Variants in ADGRG4 observed in about 807,000 individuals in gnomAD.
ADGRG4 encodes adhesion G protein-coupled receptor G4.
ADGRG4 carries 122 observed loss-of-function variants against 126.2 expected under a neutral mutation model. That is an observed-to-expected ratio of 0.97 (90% confidence interval 0.83 to 1.12). The LOEUF is 1.12. Ranked by LOEUF, ADGRG4 falls within the 50% of genes most tolerant of loss-of-function variation. The probability of loss-of-function intolerance (pLI) is 0.00; values close to 1 mark genes in which losing one functional copy is unlikely to be tolerated. For missense variants in ADGRG4, 2,481 were observed against 2,251.8 expected (o/e 1.10, Z -2.06); for synonymous variants, 943 against 838.7 (o/e 1.12, Z -2.15).
At chrX:136,363,668 G>A in intron 13 of ADGRG4, 73 bp downstream of exon 13, 1 of 670,201 alleles carries the variant, frequency 1.5e-6, no homozygotes. Context: ...CCAAACCAGA[G>A]AGAGTATAGG....
intron 1 of ADGRG4, among the ~76,000 whole-genome samples, chrX:136,301,823 G>A (rs151155186): frequency 0.49 from 54,182 of 110,315 alleles, 10,064 homozygotes; most frequent in African/African-American, 0.62. Context: ...TCCCAGCACC[G>A]TTTATTAAAT....
In ADGRG4 at chrX:136,344,596, T is replaced by A. The variant is rs746108631; in HGVS notation, c.890T>A (p.Met297Lys). ...SNTTSPPLET[M>K]TAQKILKTLV... ...ACAACATCTCCACCTCTGGAAACAA[T>A]GACTGCACAAAAAATCTTAAAGACA... Residue 297 changes from methionine to lysine, a missense_variant, in exon 6 of 26, where the codon ATG (methionine) becomes AAG (lysine). Met to Lys is a moderately conservative substitution (Grantham distance 95). Transcript: ENST00000394143. 36 of 1,205,318 alleles carry A rather than the reference T, an allele frequency of 3.0e-5. No individual in the cohort carries two copies. In the Admixed American group the frequency reaches 5.9e-4, roughly 20 times the overall value.
Position 136,345,798 on chromosome X carries a change from G to A in ADGRG4, c.2092G>A (p.Ala698Thr), listed in dbSNP as rs181731409. The stretch of plus-strand genomic sequence containing the variant: ...TACTACTTATACAGAATATTTATCC[G>A]CAACTACCAATATCACCCCACTGAA... ...ENTTYTEYLS[A>T]TTNITPLKAS... The change falls in exon 6 of 26, where the codon GCA becomes ACA. Residue 698 changes from alanine (A) to threonine (T), a missense_variant. Physicochemically the swap from Ala to Thr is moderately conservative, Grantham distance 58. Transcript: ENST00000394143. 22 of 1,208,031 alleles carry A rather than the reference G, an allele frequency of 1.8e-5. No homozygotes were observed. Among genetic ancestry groups the A allele is most frequent in the East Asian group, 1.5e-4 (5 of 33,730 alleles).
intron 23 of ADGRG4, among the ~76,000 whole-genome samples, chrX:136,409,920 T>C (rs1379911574): frequency 1.8e-5 from 2 of 112,723 alleles, no homozygotes; most frequent in Non-Finnish European, 3.7e-5. Flanking sequence ...TTGTGTTCTA[T>C]AGTCAGACTG....
At chrX:136,403,865 T>G (rs2075391807) in intron 22 of ADGRG4, among the ~76,000 whole-genome samples, 1 of 112,160 alleles carries the variant, frequency 8.9e-6, no homozygotes, top group Admixed American at 9.4e-5. Flanking sequence ...ATTTGATGTA[T>G]AAGTTCATCT....
intron 19 of ADGRG4, among the ~76,000 whole-genome samples, chrX:136,395,731 C>T (rs942882845): frequency 8.9e-6 from 1 of 111,790 alleles, no homozygotes; most frequent in African/African-American, 3.3e-5. Context: ...AACCTCCCTC[C>T]CAAGTGATCA....
intron 1 of ADGRG4, among the ~76,000 whole-genome samples, chrX:136,301,481 A>G (rs2074699605): frequency 9.0e-6 from 1 of 111,456 alleles, no homozygotes; most frequent in African/African-American, 3.3e-5. Context: ...TAGATTCTGG[A>G]TATTAGCCCT....
intron 1 of ADGRG4, among the ~76,000 whole-genome samples, chrX:136,303,598 A>G (rs1175771999): frequency 8.9e-6 from 1 of 112,601 alleles, no homozygotes; most frequent in Non-Finnish European, 1.9e-5. Context: ...TAGTGAAAGT[A>G]TAAAGGAATG....
chrX:136,397,810 G>T, intron 19 of ADGRG4, 71 bp from the exon 20 acceptor site: 1 of 1,067,411 alleles, frequency 9.4e-7, no homozygotes, highest in South Asian at 2.1e-5. Context: ...TCCTGTTAGT[G>T]AACACTGGAA....
chrX:136,312,179 C>G lies in ADGRG4; in HGVS notation c.70+3332C>G, dbSNP rs928651868. Among the ~76,000 whole-genome samples the G allele has an allele frequency of 2.7e-5, 3 of 112,161 alleles. No homozygotes were observed. In the South Asian group the frequency reaches 1.1e-3, roughly 42 times the overall value. ...AAATTCAGTTCTTAGTAATACAAGC[C>G]AGGTTTTAAGTGCTTAATAGCTACA... On this transcript the variant is annotated intron_variant, in intron 4 of 25. Transcript: ENST00000394143.
intron 1 of ADGRG4, among the ~76,000 whole-genome samples, chrX:136,301,813 T>A (rs764498536): frequency 4.5e-5 from 5 of 111,984 alleles, no homozygotes; most frequent in African/African-American, 1.6e-4. Context: ...TAGCCAGTTT[T>A]CCCAGCACCG....
In ADGRG4 at chrX:136,348,376, G is replaced by A. The variant is rs774571211; in HGVS notation, c.4670G>A (p.Gly1557Glu). The change falls in exon 6 of 26, where the codon GGG becomes GAG. Residue 1557 changes from glycine to glutamate, a missense_variant. Physicochemically the swap from Gly to Glu is moderately conservative, Grantham distance 98 (BLOSUM62 -2). Coordinates refer to ENST00000394143, the MANE Select transcript of ADGRG4 (RefSeq NM_153834.4). ...AAAAGTCCCTGTACAGCCACTTCTG[G>A]GCCTATGTCTGAGATGTCCTCAATA... ...CLKSPCTATS[G>E]PMSEMSSIPV... is the part of the protein sequence containing the mutation. 8.3e-7 allele frequency: 1 copy of A among 1,210,161 alleles called. No individual in the cohort carries two copies. The highest frequency in any genetic ancestry group is 1.1e-6 in the Non-Finnish European group (1 of 894,570).
At chrX:136,378,175 G>C (rs1426427010) in intron 15 of ADGRG4, among the ~76,000 whole-genome samples, 1 of 110,961 alleles carries the variant, frequency 9.0e-6, no homozygotes. Context: ...GGGAGATATT[G>C]CATGTCTTTT....
At chrX:136,342,585 A>T (rs888679416) in intron 5 of ADGRG4, among the ~76,000 whole-genome samples, 2 of 111,413 alleles carry the variant, frequency 1.8e-5, no homozygotes, top group Non-Finnish European at 3.8e-5. Flanking sequence ...TTCCCTGAAG[A>T]GGTGATGCAT....
At position 136,348,400 on chromosome X, in the gene ADGRG4, T is replaced by A. The variant is rs776367202; in HGVS notation, c.4694T>A (p.Ile1565Lys). Residue 1565 changes from isoleucine to lysine, a missense_variant, in exon 6 of 26, where the codon ATA becomes AAA. Physicochemically the swap from Ile to Lys is moderately radical, Grantham distance 102. Transcript: ENST00000394143. ...GGGCCTATGTCTGAGATGTCCTCAATACCAGTTAATAACTCTGCTTTCACA... is the reference window on the plus strand; with the variant it reads ...GGGCCTATGTCTGAGATGTCCTCAAAACCAGTTAATAACTCTGCTTTCACA... ...TSGPMSEMSS[I>K]PVNNSAFTPA... 11 of 1,209,374 alleles carry A rather than the reference T, an allele frequency of 9.1e-6. No homozygotes were observed. The Admixed American group carries it at 2.4e-4, about 26-fold the overall frequency.
Position 136,364,511 on chromosome X carries a change from T to C in ADGRG4, c.7396+916T>C, listed in dbSNP as rs2075147232. Among the ~76,000 whole-genome samples, 3 of 112,340 alleles carry C rather than the reference T, an allele frequency of 2.7e-5. No individual in the cohort carries two copies. The South Asian group carries it at 1.1e-3, about 42-fold the overall frequency. ...TGTATTATATATACCACAATAAATG[T>C]GCCACAATTTATTTAACCTGTTTCT... On this transcript the variant is annotated intron_variant, in intron 13 of 25. Coordinates refer to ENST00000394143, the MANE Select transcript of ADGRG4 (RefSeq NM_153834.4).
rs867498893 is a variant in ADGRG4, at chrX:136,348,762, G to A, written c.5056G>A (p.Gly1686Arg). ...CTCTCCACTCAGTTCTAAGAGCACT[G>A]GAGCTATTTCCTCCATTCCAAAGAC... is the stretch of plus-strand genomic sequence containing the variant. ...AFSPLSSKST[G>R]AISSIPKTTF... The change falls in exon 6 of 26, where the codon GGA becomes AGA. Residue 1686 changes from glycine to arginine, a missense_variant. Transcript: ENST00000394143. 9 of 1,206,441 alleles carry A rather than the reference G, an allele frequency of 7.5e-6. No homozygotes were observed. The African/African-American group carries it at 1.6e-4, about 21-fold the overall frequency.
intron 5 of ADGRG4, among the ~76,000 whole-genome samples, chrX:136,339,579 T>C (rs1442633126): frequency 2.7e-5 from 3 of 112,391 alleles, no homozygotes; most frequent in Non-Finnish European, 5.6e-5. Context: ...CTTCTGTTTC[T>C]AGGTTGGGGA....
intron 15 of ADGRG4, among the ~76,000 whole-genome samples, chrX:136,374,633 T>C (rs1260328495): frequency 2.7e-5 from 3 of 111,047 alleles, no homozygotes; most frequent in African/African-American, 9.9e-5. Flanking sequence ...TTTAGCCATG[T>C]TGGCCAGGCC....
Sources: allele counts gnomAD v4.1 joint callset (sites outside exome capture counted in the v4.1 genomes callset), GRCh38; gene constraint gnomAD v4.1.1; transcripts MANE v1.5; gene names NCBI Gene and HGNC (gene_info 2026-07-23, HGNC 2026-07-21).